The following MVB12B variants were observed in gnomAD, a reference collection of about 807,000 sequenced individuals.
MVB12B encodes multivesicular body subunit 12B, also known as ESCRT-I complex subunit MVB12B.
Under a neutral mutation model 41.6 loss-of-function variants are expected in MVB12B, and 16 were observed. The observed-to-expected ratio is 0.38, with a 90% confidence interval of 0.26 to 0.58. The LOEUF is 0.58. Ranked by LOEUF, MVB12B falls within the 20% of genes least tolerant of loss-of-function variation. MVB12B has a pLI of 0.62. For missense variants in MVB12B, 274 were observed against 380.2 expected (o/e 0.72, Z 2.32); for synonymous variants, 133 against 139.7 (o/e 0.95, Z 0.34).
rs1371894709 is a variant in MVB12B at position 126,459,550 on chromosome 9, T to A, written c.758-21819T>A. On this transcript the variant is annotated intron_variant, in intron 7 of 9. Coordinates refer to ENST00000361171, the MANE Select transcript of MVB12B (RefSeq NM_033446.3). The surrounding 1 kb of genome is among the most constrained non-coding windows in gnomAD (Gnocchi z 4.3). ...GCGGGCACGCAGCCCACAGCAGCAT[T>A]TCTCATGGTGCCATTGTGTCTGAGG... Among the ~76,000 whole-genome samples, 4 of 151,976 alleles carry A rather than the reference T, an allele frequency of 2.6e-5. No homozygotes were observed. The South Asian group carries it at 6.3e-4, about 24-fold the overall frequency.
In MVB12B at chr9:126,473,238, C is replaced by T. The variant is rs1431275456; in HGVS notation, c.758-8131C>T. On this transcript the variant is annotated intron_variant, in intron 7 of 9. Transcript: ENST00000361171. The surrounding 1 kb of genome is among the most constrained non-coding windows in gnomAD (Gnocchi z 4.0). ...CCTGTGCAACAGCTGCACATCTGCA[C>T]CTGCTGAGCTGCAGCAAAAACTCAG... is the stretch of plus-strand genomic sequence containing the variant. Among the ~76,000 whole-genome samples, 2 of 152,174 alleles carry T rather than the reference C, an allele frequency of 1.3e-5. No homozygotes were observed. The highest frequency in any genetic ancestry group is 2.9e-5 in the Non-Finnish European group (2 of 68,016).
intron 1 of MVB12B, among the ~76,000 whole-genome samples, chr9:126,330,348 A>C (rs1169123039): frequency 6.6e-6 from 1 of 152,106 alleles, no homozygotes; most frequent in African/African-American, 2.4e-5. Flanking sequence ...TAAAAAAAAC[A>C]GATTCTAATC....
intron 7 of MVB12B, among the ~76,000 whole-genome samples, chr9:126,440,580 G>A (rs749952564): frequency 9.9e-5 from 15 of 152,204 alleles, no homozygotes; most frequent in East Asian, 1.9e-4. Context: ...AGGAATCTCC[G>A]TGAGCCCCTC....
chr9:126,340,753 G>A lies in MVB12B; in HGVS notation c.204+123G>A. On this transcript the variant is annotated intron_variant, in intron 2 of 9. Coordinates refer to ENST00000361171, the MANE Select transcript of MVB12B (RefSeq NM_033446.3). The surrounding 1 kb of genome is among the most constrained non-coding windows in gnomAD (Gnocchi z 4.0). The stretch of plus-strand genomic sequence containing the variant: ...TTCTTCCCTCTAGGAACTTAATCCA[G>A]GGAGGGCGTGGAGAGCATCCTGGTT... 6.6e-6 allele frequency: 8 copies of A among 1,211,774 alleles called. No homozygotes were observed. The highest frequency in any genetic ancestry group is 9.2e-6 in the Non-Finnish European group (8 of 869,444). The allele number at this position is 1,211,774 out of a possible 1,614,324, so 75.1% of individuals were successfully genotyped here. A position where few individuals can be genotyped will look rare whatever the true frequency, so the allele number is the denominator to read the frequency against.
At chr9:126,417,479 C>T (rs577706888) in intron 6 of MVB12B, among the ~76,000 whole-genome samples, 1 of 152,192 alleles carries the variant, frequency 6.6e-6, no homozygotes, top group African/African-American at 2.4e-5. Context: ...AGGTGAGATT[C>T]AGGGTATAAA....
At chr9:126,416,209 G>A (rs1317860892) in intron 6 of MVB12B, among the ~76,000 whole-genome samples, 2 of 152,210 alleles carry the variant, frequency 1.3e-5, no homozygotes, top group Admixed American at 6.5e-5. Context: ...CAAGAATGGG[G>A]AGAGTGGGAG....
Position 126,448,862 on chromosome 9 carries a change from G to A in MVB12B, c.757+26914G>A, listed in dbSNP as rs562475077. Among the ~76,000 whole-genome samples the A allele has an allele frequency of 2.4e-4, 37 of 152,314 alleles. No homozygotes were observed. The South Asian group carries it at 5.8e-3, about 24-fold the overall frequency. ...CCAACATTGGGAATCACATGTCAACGTGAAATTTGGAGGGGACAAACTGCC... is the reference window on the plus strand; with the variant it reads ...CCAACATTGGGAATCACATGTCAACATGAAATTTGGAGGGGACAAACTGCC... On this transcript the variant is annotated intron_variant, in intron 7 of 9. Transcript: ENST00000361171.
At chr9:126,454,366 C>T (rs1261623667) in intron 7 of MVB12B, among the ~76,000 whole-genome samples, 2 of 152,212 alleles carry the variant, frequency 1.3e-5, no homozygotes, top group East Asian at 1.9e-4. Context: ...CCTTCATCCC[C>T]CTAATTCATT....
In MVB12B at chr9:126,470,663, T is replaced by TGTGC. The variant is rs572845459; in HGVS notation, c.758-10703_758-10702insCGTG. ...TCAGTGCTCTGTGTGTGTGTGTGTG[T>TGTGC]GTGTGTGTGTGTGTAATCCAGATTG... On this transcript the variant is annotated intron_variant, in intron 7 of 9. Transcript: ENST00000361171. 7.0e-5 allele frequency among the ~76,000 whole-genome samples: 10 copies of TGTGC among 142,358 alleles called. No homozygotes were observed. In the South Asian group the frequency reaches 2.4e-3, roughly 34 times the overall value. The allele number at this position is 142,358 out of a possible 152,430, so 93.4% of individuals were successfully genotyped here.
At position 126,392,297 on chromosome 9, in the gene MVB12B, CT is replaced by C. The variant is rs1397107740; in HGVS notation, c.539+103del. 8.6e-6 allele frequency: 12 copies of C among 1,395,432 alleles called. No homozygotes were observed. The highest frequency in any genetic ancestry group is 5.7e-5 in the Admixed American group (3 of 52,836). 86.4% of individuals were successfully genotyped at this position (1,395,432 alleles called of 1,614,324 possible). ...AGAGATTTCCATGCAGCCCCCCAGG[CT>C]CTCAGCCATGGGCCTCTGTCAGCCC... On this transcript the variant is annotated intron_variant, in intron 5 of 9. Transcript: ENST00000361171. The surrounding 1 kb of genome is among the most constrained non-coding windows in gnomAD (Gnocchi z 4.8).
At position 126,359,261 on chromosome 9, in the gene MVB12B, C is replaced by T. The variant is rs1464716729; in HGVS notation, c.204+18631C>T. 2.6e-5 allele frequency among the ~76,000 whole-genome samples: 4 copies of T among 152,060 alleles called. No individual in the cohort carries two copies. In the South Asian group the frequency reaches 6.2e-4, roughly 24 times the overall value. On this transcript the variant is annotated intron_variant, in intron 2 of 9. Transcript: ENST00000361171. Reference sequence around the variant, plus strand: ...ACTTCCATTTCTGGAATAAATCCCCCATGGACATAATAAATTGTCCTTTTA... The same window carrying T: ...ACTTCCATTTCTGGAATAAATCCCCTATGGACATAATAAATTGTCCTTTTA...
intron 2 of MVB12B, among the ~76,000 whole-genome samples, chr9:126,365,410 G>A (rs914175865): frequency 6.8e-6 from 1 of 147,930 alleles, no homozygotes; most frequent in Non-Finnish European, 1.5e-5. Flanking sequence ...TTAGCTCACT[G>A]CAACCTTCGT....
chr9:126,398,154 G>A (rs1406539242), intron 6 of MVB12B, among the ~76,000 whole-genome samples: 1 of 151,916 alleles, frequency 6.6e-6, no homozygotes, highest in Non-Finnish European at 1.5e-5. Context: ...TCTCTCCCGG[G>A]AAGCCCTCCC....
intron 9 of MVB12B, among the ~76,000 whole-genome samples, chr9:126,501,048 G>GAA (rs2119242518): frequency 6.6e-6 from 1 of 152,358 alleles, no homozygotes; most frequent in Admixed American, 6.5e-5. Context: ...CCGTGCATGT[G>GAA]CCCAGGCGGC....
intron 2 of MVB12B, among the ~76,000 whole-genome samples, chr9:126,345,753 A>G (rs1829569327): frequency 6.6e-6 from 1 of 152,242 alleles, no homozygotes; most frequent in Non-Finnish European, 1.5e-5. Context: ...AATAAGCAGG[A>G]ACTTTGTACC....
At chr9:126,398,261 C>G (rs991852973) in intron 6 of MVB12B, among the ~76,000 whole-genome samples, 5 of 151,714 alleles carry the variant, frequency 3.3e-5, no homozygotes, top group Admixed American at 6.6e-5. Flanking sequence ...GGTGAGCCTC[C>G]GAGGAGCTCC....
intron 6 of MVB12B, among the ~76,000 whole-genome samples, chr9:126,421,620 C>T (rs768270186): frequency 2.2e-4 from 33 of 152,146 alleles, no homozygotes; most frequent in Admixed American, 6.5e-5. Flanking sequence ...TCTTGGATGT[C>T]CTTTCTAGTA....
intron 7 of MVB12B, among the ~76,000 whole-genome samples, chr9:126,454,845 C>G (rs995354489): frequency 5.9e-5 from 9 of 152,024 alleles, no homozygotes; most frequent in Admixed American, 1.3e-4. Context: ...TCTTTAAATG[C>G]TTTGACACAT....
intron 9 of MVB12B, among the ~76,000 whole-genome samples, chr9:126,485,513 T>A (rs78469947): frequency 1.7e-5 from 2 of 118,384 alleles, no homozygotes; most frequent in Non-Finnish European, 3.6e-5. Context: ...TCAGAGTACC[T>A]TCCACTGTGC....
Sources: gnomAD v4.1 joint callset for allele counts (sites outside exome capture counted in the v4.1 genomes callset) on GRCh38, gnomAD v4.1.1 for gene constraint, Gnocchi (gnomAD v3.1) non-coding constraint, MANE v1.5 for transcripts, NCBI Gene and HGNC (gene_info 2026-07-23, HGNC 2026-07-21) for gene names.